SFMBT2: variants seen among roughly 807,000 people sequenced by gnomAD.
SFMBT2 encodes Scm like with four mbt domains 2.
Under a neutral mutation model 110.1 loss-of-function variants are expected in SFMBT2, and 38 were observed. The ratio of observed to expected loss-of-function variants is 0.35; its 90% CI spans 0.27 to 0.45. SFMBT2 has a LOEUF of 0.45. Among genes scored for constraint, SFMBT2 ranks in the 20% least tolerant of loss-of-function variants. The pLI, the probability that SFMBT2 is intolerant of heterozygous loss-of-function variation, is 1.00. For missense variants in SFMBT2, 1,011 were observed against 1,094.9 expected (o/e 0.92, Z 1.08); for synonymous variants, 425 against 425.4 (o/e 1.00, Z 0.01).
chr10:7,243,758 A>T, intron 8 of SFMBT2, 53 bp from the exon 9 acceptor site: 1 of 816,708 alleles, frequency 1.2e-6, no homozygotes, highest in Non-Finnish European at 2.1e-6. Flanking sequence ...AGTTACATAT[A>T]ATGCTAGTAT....
At chr10:7,256,760 C>T (rs917958730) in intron 7 of SFMBT2, among the ~76,000 whole-genome samples, 1 of 152,140 alleles carries the variant, frequency 6.6e-6, no homozygotes, top group African/African-American at 2.4e-5. Flanking sequence ...CAACCCCAGC[C>T]TGGGACTGGT....
intron 4 of SFMBT2, among the ~76,000 whole-genome samples, chr10:7,363,553 G>A (rs976946966): frequency 1.3e-5 from 2 of 152,068 alleles, no homozygotes; most frequent in African/African-American, 4.8e-5. Flanking sequence ...TCACCATGTT[G>A]GCCAGGCTTG....
At chr10:7,192,589 G>A (rs1236805508) in intron 15 of SFMBT2, among the ~76,000 whole-genome samples, 3 of 152,212 alleles carry the variant, frequency 2.0e-5, no homozygotes, top group Non-Finnish European at 2.9e-5. Context: ...CTCCCCAGAT[G>A]TGAGAACCAG....
chr10:7,269,884 T>C (rs1747626036), intron 7 of SFMBT2, among the ~76,000 whole-genome samples: 1 of 151,414 alleles, frequency 6.6e-6, no homozygotes, highest in Non-Finnish European at 1.5e-5. Context: ...CCTCATCCCA[T>C]GCATCCATAC....
chr10:7,172,541 T>A lies in SFMBT2; in HGVS notation c.2105A>T (p.Lys702Met). 1 of 1,614,230 alleles carries A rather than the reference T, an allele frequency of 6.2e-7. No homozygotes were observed. The highest frequency in any genetic ancestry group is 8.5e-7 in the Non-Finnish European group (1 of 1,180,042). The part of the protein sequence containing the change: ...RKRRKSIFVQ[K>M]KRRSSAVDFT... ...GTCCACGGCAGAAGACCTCCGTTTC[T>A]TCTGCACGAAAATGGATTTCCGTCG... The change falls in exon 18 of 21, where the codon AAG (lysine) becomes ATG (methionine). Residue 702 changes from lysine to methionine, a missense_variant. Lys to Met is a moderately conservative substitution (Grantham distance 95). Transcript: ENST00000397167. This position sits in a 1 kb window ranked among gnomAD's most constrained non-coding sequence, Gnocchi z 4.6.
chr10:7,398,893 A>C (rs1322943081), intron 1 of SFMBT2, among the ~76,000 whole-genome samples: 6 of 152,248 alleles, frequency 3.9e-5, no homozygotes, highest in Admixed American at 1.3e-4. Flanking sequence ...CAAAAAGTAA[A>C]GAAACTTACA....
At chr10:7,211,023 G>C (rs898537297) in intron 11 of SFMBT2, among the ~76,000 whole-genome samples, 14 of 152,042 alleles carry the variant, frequency 9.2e-5, no homozygotes, top group Admixed American at 9.2e-4. Flanking sequence ...TAAGAGATAC[G>C]GGGTGTTTTC....
At chr10:7,384,203 C>T (rs1163388260) in intron 1 of SFMBT2, among the ~76,000 whole-genome samples, 2 of 98,990 alleles carry the variant, frequency 2.0e-5, no homozygotes, top group Admixed American at 1.3e-4. Context: ...AAGAGCAAAA[C>T]TCCATCTCAA....
At chr10:7,274,497 G>A (rs776391216) in intron 7 of SFMBT2, among the ~76,000 whole-genome samples, 1 of 152,158 alleles carries the variant, frequency 6.6e-6, no homozygotes, top group Non-Finnish European at 1.5e-5. Flanking sequence ...GAGATCTGAT[G>A]ATAAGGGCCT....
At chr10:7,334,058 T>G (rs1163752613) in intron 4 of SFMBT2, among the ~76,000 whole-genome samples, 2 of 152,232 alleles carry the variant, frequency 1.3e-5, no homozygotes, top group African/African-American at 2.4e-5. Flanking sequence ...ACACCGGATG[T>G]GCTACGCGAC....
chr10:7,313,273 T>A (rs1413185163), intron 4 of SFMBT2, among the ~76,000 whole-genome samples: 1 of 152,004 alleles, frequency 6.6e-6, no homozygotes, highest in Non-Finnish European at 1.5e-5. Context: ...GCAATTGCAC[T>A]GTGTATGGTA....
intron 7 of SFMBT2, among the ~76,000 whole-genome samples, chr10:7,264,715 T>A (rs1054056097): frequency 1.3e-5 from 2 of 152,014 alleles, no homozygotes; most frequent in Non-Finnish European, 2.9e-5. Context: ...CTGAGAAGCA[T>A]GACATGAAAC....
intron 17 of SFMBT2, 91 bp downstream of exon 17, chr10:7,175,899 G>C (rs1838038204): frequency 7.9e-7 from 1 of 1,258,122 alleles, no homozygotes; most frequent in African/African-American, 1.5e-5. Flanking sequence ...GGTTCAAAAA[G>C]AAAAAAGCAA....
At position 7,161,347 on chromosome 10, in the gene SFMBT2, C is replaced by G. The variant is rs541442751; in HGVS notation, c.*2423G>C. 1 of 152,378 alleles carries G rather than the reference C, an allele frequency of 6.6e-6. No individual in the cohort carries two copies. Among genetic ancestry groups the G allele is most frequent in the Non-Finnish European group, 1.5e-5 (1 of 68,054 alleles). 9.4% of individuals were successfully genotyped at this position (152,378 alleles called of 1,614,324 possible). On this transcript the variant is annotated 3_prime_UTR_variant, in exon 21 of 21. Coordinates refer to ENST00000397167, the MANE Select transcript of SFMBT2 (RefSeq NM_001387889.1). ...TTTGTGGCCACCACATTCCCTCACC[C>G]TCGTCTCAAATACAACAGGAACAGC...
rs1837609574 is a variant in SFMBT2 at position 7,163,614 on chromosome 10, C to T, written c.*156G>A. 2 of 651,812 alleles carry T rather than the reference C, an allele frequency of 3.1e-6. No homozygotes were observed. The highest frequency in any genetic ancestry group is 5.2e-6 in the Non-Finnish European group (2 of 385,036). 40.4% of individuals were successfully genotyped at this position (651,812 alleles called of 1,614,324 possible). On this transcript the variant is annotated 3_prime_UTR_variant, in exon 21 of 21. Coordinates refer to ENST00000397167, the MANE Select transcript of SFMBT2 (RefSeq NM_001387889.1). This position sits in a 1 kb window ranked among gnomAD's most constrained non-coding sequence, Gnocchi z 4.8. ...GCTTTGAAAACATGGAAACAGCTCA[C>T]AGGCTGGCGGAGGCAGAAGATCCTG... is the stretch of plus-strand genomic sequence containing the variant.
intron 4 of SFMBT2, among the ~76,000 whole-genome samples, chr10:7,357,882 T>C (rs1053921324): frequency 2.0e-5 from 3 of 152,072 alleles, no homozygotes; most frequent in African/African-American, 7.2e-5. Flanking sequence ...ACCGTTGGTA[T>C]GGCTCTGGAA....
chr10:7,179,673 G>C (rs911154541), intron 16 of SFMBT2, among the ~76,000 whole-genome samples: 9 of 152,216 alleles, frequency 5.9e-5, no homozygotes, highest in Non-Finnish European at 1.3e-4. Context: ...ACAAACTGCA[G>C]AACAAGGCTC....
chr10:7,409,129 C>T (rs572471679), intron 1 of SFMBT2, among the ~76,000 whole-genome samples: 2 of 146,352 alleles, frequency 1.4e-5, no homozygotes, highest in South Asian at 2.3e-4. Context: ...CTCCAAGCTT[C>T]GGTCCCGGTC....
chr10:7,394,556 C>T (rs928229612), intron 1 of SFMBT2, among the ~76,000 whole-genome samples: 6 of 150,726 alleles, frequency 4.0e-5, no homozygotes, highest in Non-Finnish European at 8.8e-5. Context: ...GCAGCTCCCA[C>T]TGCGTCCTTA....
Sources: gnomAD v4.1 joint callset for allele counts (sites outside exome capture counted in the v4.1 genomes callset) on GRCh38, gnomAD v4.1.1 for gene constraint, Gnocchi (gnomAD v3.1) non-coding constraint, MANE v1.5 for transcripts, NCBI Gene and HGNC (gene_info 2026-07-23, HGNC 2026-07-21) for gene names.